HSF2BP: variants seen among roughly 807,000 people sequenced by gnomAD.
The protein encoded by HSF2BP is heat shock factor 2-binding protein.
Under a neutral mutation model 35.0 loss-of-function variants are expected in HSF2BP, and 35 were observed. The ratio of observed to expected loss-of-function variants is 1.00; its 90% confidence interval spans 0.76 to 1.32. The LOEUF (loss-of-function observed/expected upper bound fraction) is 1.32. HSF2BP is among the 40% of genes most tolerant of loss of function. The probability of loss-of-function intolerance (pLI) is 0.00; values close to 1 mark genes in which losing one functional copy is unlikely to be tolerated. For synonymous variants in HSF2BP, 114 were observed against 117.4 expected (o/e 0.97, Z 0.18); for missense variants, 326 against 321.7 (o/e 1.01, Z -0.10).
chr21:43,641,665 C>T (rs2082638216), intron 4 of HSF2BP, among the ~76,000 whole-genome samples: 1 of 152,062 alleles, frequency 6.6e-6, no homozygotes, highest in Non-Finnish European at 1.5e-5. Context: ...TACTTACTAG[C>T]AGCCAGGCAC....
intron 8 of HSF2BP, among the ~76,000 whole-genome samples, chr21:43,590,650 T>TAATG (rs1170574221): frequency 2.0e-5 from 3 of 152,128 alleles, no homozygotes. Flanking sequence ...CAATAAAAAA[T>TAATG]AATGACCTAT....
chr21:43,598,504 G>A (rs2082013756), intron 7 of HSF2BP, among the ~76,000 whole-genome samples: 1 of 151,796 alleles, frequency 6.6e-6, no homozygotes, highest in Admixed American at 6.6e-5. Context: ...TTACAGGCAT[G>A]AGCCACCATC....
chr21:43,604,479 A>G (rs1459385630), intron 7 of HSF2BP, among the ~76,000 whole-genome samples: 1 of 101,686 alleles, frequency 9.8e-6, no homozygotes, highest in Non-Finnish European at 2.2e-5. Flanking sequence ...CAGCACGCAC[A>G]CCATACACAC....
chr21:43,629,291 C>T (rs1043501454), intron 6 of HSF2BP, among the ~76,000 whole-genome samples: 4 of 152,126 alleles, frequency 2.6e-5, no homozygotes, highest in African/African-American at 7.2e-5. Context: ...TTCAGCCAAG[C>T]GCAGTGGCTC....
chr21:43,607,475 G>A (rs921946711), intron 7 of HSF2BP, among the ~76,000 whole-genome samples: 3 of 152,156 alleles, frequency 2.0e-5, no homozygotes, highest in Non-Finnish European at 2.9e-5. Flanking sequence ...AAACATTCAT[G>A]TTCATGGACT....
At position 43,658,230 on chromosome 21, in the gene HSF2BP, G is replaced by T. The variant is rs1240342708; in HGVS notation, c.-134C>A. ...GCCAGGCCCAAACCTCCCAGAATTT[G>T]CGCAGTATTCTCGGCCTAGAGAGCG... On this transcript the variant is annotated 5_prime_UTR_variant, in exon 2 of 9. Coordinates refer to ENST00000291560, the MANE Select transcript of HSF2BP (RefSeq NM_007031.2). 269 of 1,073,194 alleles carry T rather than the reference G, an allele frequency of 2.5e-4. 1 individual carries two copies. The highest frequency in any genetic ancestry group is 2.8e-5 in the East Asian group (1 of 35,196). 66.5% of individuals were successfully genotyped at this position (1,073,194 alleles called of 1,614,324 possible).
chr21:43,592,233 A>G lies in HSF2BP; in HGVS notation c.788T>C (p.Leu263Pro), dbSNP rs2081935284. 1.2e-6 allele frequency: 2 copies of G among 1,612,048 alleles called. No individual in the cohort carries two copies. The highest frequency in any genetic ancestry group is 8.5e-7 in the Non-Finnish European group (1 of 1,178,128). The change falls in exon 8 of 9, where the codon CTT (leucine) becomes CCT (proline). Residue 263 changes from leucine to proline, a missense_variant. Leu to Pro is a moderately conservative substitution (Grantham distance 98). Coordinates refer to ENST00000291560, the MANE Select transcript of HSF2BP (RefSeq NM_007031.2). ...ATAACCACCCCCCTTACCACTCAAA[A>G]GCCACCACAGCAAAGGGATGAATCC... Reference protein sequence around the residue: ...SPGFIPLLWWLLSDPDAEVCL... With the variant: ...SPGFIPLLWWPLSDPDAEVCL...
At chr21:43,600,466 T>G (rs1377516798) in intron 7 of HSF2BP, among the ~76,000 whole-genome samples, 1 of 152,200 alleles carries the variant, frequency 6.6e-6, no homozygotes, top group Non-Finnish European at 1.5e-5. Flanking sequence ...TACAAAAGAC[T>G]GCATGTAATT....
At chr21:43,592,365 T>A in intron 7 of HSF2BP, 37 bp from the exon 8 acceptor site, 1 of 1,345,812 alleles carries the variant, frequency 7.4e-7, no homozygotes, top group Non-Finnish European at 1.1e-6. Context: ...GAATGCTCCA[T>A]CCACACTACA....
chr21:43,591,311 C>G (rs1047491273), intron 8 of HSF2BP, among the ~76,000 whole-genome samples: 2 of 152,188 alleles, frequency 1.3e-5, no homozygotes, highest in Admixed American at 1.3e-4. Flanking sequence ...GCTGCAGTGT[C>G]TTTCCAATTT....
At chr21:43,654,707 G>A (rs541295019) in intron 3 of HSF2BP, among the ~76,000 whole-genome samples, 10 of 152,174 alleles carry the variant, frequency 6.6e-5, no homozygotes, top group African/African-American at 1.9e-4. Flanking sequence ...ATGCCAAGTC[G>A]GAGTCAGGCA....
intron 8 of HSF2BP, among the ~76,000 whole-genome samples, chr21:43,589,915 G>A (rs1470678389): frequency 1.3e-5 from 2 of 152,162 alleles, no homozygotes; most frequent in Non-Finnish European, 2.9e-5. Context: ...AACGTGAAAT[G>A]CAAAACTATA....
intron 6 of HSF2BP, among the ~76,000 whole-genome samples, chr21:43,625,670 A>G (rs1161319534): frequency 6.6e-6 from 1 of 152,224 alleles, no homozygotes. Context: ...ACCTATCCCC[A>G]CAGGATAGTC....
At chr21:43,467,974 ACCACACACACCACAC>A in the HSF2BP span, among the ~76,000 whole-genome samples, 108 of 101,350 alleles carry the variant, frequency 1.1e-3, no homozygotes, top group Non-Finnish European at 8.8e-4. Context: ...CCACACACAC[ACCACACACACCACAC>A]CCACACACAC....
intron 8 of HSF2BP, among the ~76,000 whole-genome samples, chr21:43,572,199 A>C (rs1438164934): frequency 6.6e-6 from 1 of 152,164 alleles, no homozygotes; most frequent in African/African-American, 2.4e-5. Context: ...CCCAGGGGAA[A>C]CACGACATGT....
intron 7 of HSF2BP, among the ~76,000 whole-genome samples, chr21:43,594,082 C>T (rs1478798178): frequency 6.6e-6 from 1 of 152,134 alleles, no homozygotes; most frequent in Non-Finnish European, 1.5e-5. Flanking sequence ...ACACCAAAAG[C>T]TGGGCTCTCT....
chr21:43,596,279 A>G (rs2081985837), intron 7 of HSF2BP, among the ~76,000 whole-genome samples: 1 of 152,190 alleles, frequency 6.6e-6, no homozygotes, highest in South Asian at 2.1e-4. Flanking sequence ...CAACATTTAG[A>G]AAACTGAAAG....
intron 4 of HSF2BP, among the ~76,000 whole-genome samples, chr21:43,644,051 T>C (rs548189743): frequency 1.3e-5 from 2 of 152,334 alleles, no homozygotes; most frequent in East Asian, 1.9e-4. Flanking sequence ...CTTTATGTTG[T>C]AGGGCAGATT....
chr21:43,598,971 T>A (rs1165814071), intron 7 of HSF2BP, among the ~76,000 whole-genome samples: 1 of 152,236 alleles, frequency 6.6e-6, no homozygotes, highest in Non-Finnish European at 1.5e-5. Flanking sequence ...CTAAAATATT[T>A]TCTGTCTGAC....
Sources: gnomAD v4.1 joint callset for allele counts (sites outside exome capture counted in the v4.1 genomes callset) on GRCh38, gnomAD v4.1.1 for gene constraint, MANE v1.5 for transcripts, NCBI Gene and HGNC (gene_info 2026-07-23, HGNC 2026-07-21) for gene names.